LRP1B: variants seen among roughly 807,000 people sequenced by gnomAD.
LRP1B encodes LDL receptor related protein 1B, also known as low-density lipoprotein receptor-related protein 1B.
A neutral mutation model predicts 556.6 loss-of-function variants in LRP1B; 217 were observed. The ratio of observed to expected loss-of-function variants is 0.39; its 90% CI spans 0.35 to 0.44. LRP1B has a LOEUF of 0.44. Ranked by LOEUF, LRP1B falls within the 20% of genes least tolerant of loss-of-function variation. The pLI is 1.00. For synonymous variants in LRP1B, 2,047 were observed against 1,865.8 expected (o/e 1.10, Z -2.50); for missense variants, 5,053 against 5,620.8 (o/e 0.90, Z 3.23).
intron 2 of LRP1B, among the ~76,000 whole-genome samples, chr2:141,651,594 G>A (rs1689795149): frequency 6.6e-6 from 1 of 152,174 alleles, no homozygotes; most frequent in Non-Finnish European, 1.5e-5. Context: ...GAGCCCGGGA[G>A]GTGGAGGTTG....
chr2:141,277,057 G>A (rs1026362991), intron 3 of LRP1B, among the ~76,000 whole-genome samples: 14 of 152,170 alleles, frequency 9.2e-5, no homozygotes, highest in Admixed American at 2.0e-4. Flanking sequence ...CATCTAGGTT[G>A]ATTCCATGTC....
intron 84 of LRP1B, among the ~76,000 whole-genome samples, chr2:140,289,804 T>G (rs1683302668): frequency 6.6e-6 from 1 of 151,944 alleles, no homozygotes; most frequent in African/African-American, 2.4e-5. Context: ...CACTAGAAAA[T>G]ATATGTATCT....
chr2:141,358,310 G>C (rs1257711297), intron 3 of LRP1B, among the ~76,000 whole-genome samples: 1 of 152,178 alleles, frequency 6.6e-6, no homozygotes, highest in African/African-American at 2.4e-5. Flanking sequence ...TGAAGGTTAG[G>C]CAGATAAATA....
chr2:140,318,710 C>T (rs1337944954), intron 82 of LRP1B, among the ~76,000 whole-genome samples: 5 of 151,898 alleles, frequency 3.3e-5, no homozygotes, highest in Non-Finnish European at 5.9e-5. Flanking sequence ...TATTGTGTGA[C>T]GATTAACAGA....
At chr2:141,462,873 A>C (rs192946750) in intron 3 of LRP1B, among the ~76,000 whole-genome samples, 1 of 152,302 alleles carries the variant, frequency 6.6e-6, no homozygotes, top group East Asian at 1.9e-4. Context: ...TTTAAGTATG[A>C]ATGGCTATTA....
chr2:141,819,012 G>C (rs533225707), intron 1 of LRP1B, among the ~76,000 whole-genome samples: 1 of 151,360 alleles, frequency 6.6e-6, no homozygotes. Flanking sequence ...AGGCTGAGGC[G>C]GGTGGATCAC....
chr2:140,595,121 T>G lies in LRP1B; in HGVS notation c.7194+3510A>C, dbSNP rs1204882757. On this transcript the variant is annotated intron_variant, in intron 43 of 90. Coordinates refer to ENST00000389484, the MANE Select transcript of LRP1B (RefSeq NM_018557.3). ...ATATATATATATATATATATATATA[T>G]ATATATATATATATATTAGTATGGT... Among the ~76,000 whole-genome samples the G allele has an allele frequency of 3.0e-5, 3 of 100,384 alleles. 1 individual carries two copies. The highest frequency in any genetic ancestry group is 1.4e-4 in the African/African-American group (3 of 20,988). 65.9% of individuals were successfully genotyped at this position (100,384 alleles called of 152,430 possible).
In LRP1B at chr2:142,008,914, CTT is replaced by C. The variant is rs201472632; in HGVS notation, c.82+121732_82+121733del. Among the ~76,000 whole-genome samples the C allele has an allele frequency of 5.0e-3, 754 of 152,222 alleles. 7 individuals carry two copies. The highest frequency in any genetic ancestry group is 0.017 in the African/African-American group (717 of 41,542). ...AGAATTCCACATTCTAAATCTGTAG[CTT>C]TAGTCTTGCTCTTCATCACAGTTCA... On this transcript the variant is annotated intron_variant, in intron 1 of 90. Transcript: ENST00000389484.
chr2:141,499,896 T>C (rs967602147), intron 2 of LRP1B, among the ~76,000 whole-genome samples: 3 of 152,094 alleles, frequency 2.0e-5, no homozygotes, highest in East Asian at 3.9e-4. Context: ...TTACTTCTTT[T>C]TTTTAGAACA....
At chr2:141,005,039 A>G (rs552171916) in intron 15 of LRP1B, among the ~76,000 whole-genome samples, 3 of 152,106 alleles carry the variant, frequency 2.0e-5, no homozygotes, top group Non-Finnish European at 4.4e-5. Flanking sequence ...ACAACAATGC[A>G]TTTTTAGTTG....
chr2:142,089,491 T>C (rs866934872), intron 1 of LRP1B, among the ~76,000 whole-genome samples: 5 of 152,332 alleles, frequency 3.3e-5, no homozygotes, highest in African/African-American at 1.2e-4. Context: ...CATGTGGGAA[T>C]AAAAGTATCC....
At chr2:140,785,080 A>T (rs1465714109) in intron 32 of LRP1B, among the ~76,000 whole-genome samples, 1 of 152,286 alleles carries the variant, frequency 6.6e-6, no homozygotes, top group East Asian at 1.9e-4. Context: ...AGGAGTAATG[A>T]TCAAAAGACA....
At chr2:140,824,066 C>T (rs1378288465) in intron 31 of LRP1B, among the ~76,000 whole-genome samples, 1 of 151,512 alleles carries the variant, frequency 6.6e-6, no homozygotes, top group East Asian at 1.9e-4. Flanking sequence ...TGTAACAAAC[C>T]TTCACATGTA....
chr2:140,620,145 G>A (rs934469112), intron 41 of LRP1B, among the ~76,000 whole-genome samples: 5 of 152,016 alleles, frequency 3.3e-5, no homozygotes, highest in Non-Finnish European at 1.5e-5. Flanking sequence ...TATTGGTGAG[G>A]TCTTCTGAGA....
At chr2:140,992,010 C>G (rs966509805) in intron 16 of LRP1B, among the ~76,000 whole-genome samples, 1 of 151,958 alleles carries the variant, frequency 6.6e-6, no homozygotes, top group African/African-American at 2.4e-5. Context: ...GGATTTTATT[C>G]TATAAATATC....
chr2:140,525,748 A>G, intron 49 of LRP1B, 96 bp downstream of exon 49: 1 of 1,078,630 alleles, frequency 9.3e-7, no homozygotes, highest in Non-Finnish European at 1.3e-6. Context: ...TCAATAATTG[A>G]TATTAAGAAT....
In LRP1B at chr2:140,538,526, T is replaced by G. The variant is rs1262296874; in HGVS notation, c.7514-1817A>C. Among the ~76,000 whole-genome samples the G allele has an allele frequency of 5.9e-5, 9 of 151,776 alleles. No homozygotes were observed. The East Asian group carries it at 1.8e-3, about 30-fold the overall frequency. ...TTCACCTTATTTATTTGACTTCTAATTTAACTCTCTCGATGATAACAACAT... is the reference window on the plus strand; with the variant it reads ...TTCACCTTATTTATTTGACTTCTAAGTTAACTCTCTCGATGATAACAACAT... On this transcript the variant is annotated intron_variant, in intron 45 of 90. Transcript: ENST00000389484.
intron 7 of LRP1B, among the ~76,000 whole-genome samples, chr2:141,114,465 A>T (rs1280373848): frequency 6.6e-6 from 1 of 152,118 alleles, no homozygotes; most frequent in Non-Finnish European, 1.5e-5. Context: ...ATGGAGTGTG[A>T]AGACGATCTT....
At chr2:140,815,436 T>G (rs1691082147) in intron 31 of LRP1B, among the ~76,000 whole-genome samples, 1 of 152,158 alleles carries the variant, frequency 6.6e-6, no homozygotes, top group South Asian at 2.1e-4. Flanking sequence ...CCTCCTGAGC[T>G]GCTGGAATTA....
Sources: gnomAD v4.1 joint callset for allele counts (sites outside exome capture counted in the v4.1 genomes callset) on GRCh38, gnomAD v4.1.1 for gene constraint, MANE v1.5 for transcripts, NCBI Gene and HGNC (gene_info 2026-07-23, HGNC 2026-07-21) for gene names.